MRE11: variants seen among roughly 807,000 people sequenced by gnomAD.
MRE11 encodes the protein double-strand break repair protein MRE11.
A neutral mutation model predicts 91.7 loss-of-function variants in MRE11; 62 were observed. The observed-to-expected ratio is 0.68, with a 90% CI of 0.55 to 0.84. The LOEUF (loss-of-function observed/expected upper bound fraction) is 0.84, where lower values mean the gene tolerates loss of function less well. Among genes scored for constraint, MRE11 ranks in the 40% least tolerant of loss-of-function variants. The pLI, the probability that MRE11 is intolerant of heterozygous loss-of-function variation, is 0.00. For synonymous variants in MRE11, 273 were observed against 271.4 expected (o/e 1.01, Z -0.06); for missense variants, 796 against 852.9 (o/e 0.93, Z 0.83).
chr11:94,425,750 A>G lies in MRE11; in HGVS notation c.2070+4161T>C, dbSNP rs111546332. Among the ~76,000 whole-genome samples the G allele has an allele frequency of 5.5e-3, 837 of 152,348 alleles. 14 individuals carry two copies. The highest frequency in any genetic ancestry group is 0.019 in the African/African-American group (800 of 41,580). ...CAACCAACAGTAAAAAGGGACAAAG[A>G]AAGGTATTATATAATGATAAACGGT... On this transcript the variant is annotated intron_variant, in intron 19 of 19. Transcript: ENST00000323929.
rs978834364 is a variant in MRE11, at chr11:94,445,953, C to T, written c.1784-60G>A. On this transcript the variant is annotated intron_variant, in intron 15 of 19. Coordinates refer to ENST00000323929, the MANE Select transcript of MRE11 (RefSeq NM_005591.4). Reference sequence around the variant, plus strand: ...ATCAGCAGCTAAGGTTTATTTCATACAACACTAAAAAATGAAAGCTAAATA... The same window carrying T: ...ATCAGCAGCTAAGGTTTATTTCATATAACACTAAAAAATGAAAGCTAAATA... 4 of 1,215,838 alleles carry T rather than the reference C, an allele frequency of 3.3e-6. No individual in the cohort carries two copies. The South Asian group carries it at 3.6e-5, about 11-fold the overall frequency. 75.3% of individuals were successfully genotyped at this position (1,215,838 alleles called of 1,614,324 possible).
chr11:94,435,837 A>G lies in MRE11; in HGVS notation c.1989T>C (p.Asp663=), dbSNP rs1299222293. Residue 663 remains aspartate, a synonymous_variant, in exon 18 of 20, where the codon GAT becomes GAC. Coordinates refer to ENST00000323929, the MANE Select transcript of MRE11 (RefSeq NM_005591.4). ...CAGAAAATCACTGCACCTACCTTTG[A>G]TCTGTCTTTGAAGTGGTAGGAAAAA... ...EDIFPTTSKT[D]QRWSSTSSSK... is the part of the protein sequence containing the mutation. 1.2e-6 allele frequency: 2 copies of G among 1,612,812 alleles called. No homozygotes were observed. The highest frequency in any genetic ancestry group is 4.5e-5 in the East Asian group (2 of 44,856).
intron 4 of MRE11, chr11:94,483,715 T>G (rs1055713623): frequency 6.5e-6 from 1 of 153,396 alleles, no homozygotes; most frequent in Non-Finnish European, 1.4e-5. Context: ...CAGTGGCACA[T>G]GCATATAGTC....
At chr11:94,459,614 G>A in intron 12 of MRE11, 33 bp from the exon 13 acceptor site, 1 of 1,600,484 alleles carries the variant, frequency 6.2e-7, no homozygotes, top group African/African-American at 1.3e-5. Context: ...TGCAGAAATA[G>A]TTTTTATTCC....
intron 3 of MRE11, among the ~76,000 whole-genome samples, chr11:94,490,265 C>G (rs1039902398): frequency 3.9e-5 from 6 of 152,160 alleles, no homozygotes; most frequent in African/African-American, 1.4e-4. Context: ...ATACCTTATA[C>G]TGTCTCACGG....
chr11:94,496,845 A>C (rs1591735881), upstream of MRE11: 2 of 1,613,924 alleles, frequency 1.2e-6, no homozygotes, highest in African/African-American at 2.7e-5. Context: ...AATTCTGATG[A>C]AGATGAGGAG....
chr11:94,511,399 A>G, the MRE11 span, among the ~76,000 whole-genome samples: 1 of 152,192 alleles, frequency 6.6e-6, no homozygotes, highest in South Asian at 2.1e-4. Flanking sequence ...TTTTCTTTAT[A>G]AATTACCCAG....
chr11:94,482,528 A>G (rs1947037069), intron 4 of MRE11, among the ~76,000 whole-genome samples: 1 of 152,250 alleles, frequency 6.6e-6, no homozygotes, highest in Non-Finnish European at 1.5e-5. Context: ...AATGAAATAC[A>G]AGGAACAACA....
intron 16 of MRE11, among the ~76,000 whole-genome samples, chr11:94,439,469 A>G (rs1279530559): frequency 6.6e-6 from 1 of 152,234 alleles, no homozygotes; most frequent in African/African-American, 2.4e-5. Context: ...CATCTTCATA[A>G]TCTTATTGCA....
chr11:94,446,661 G>T (rs1945940116), intron 15 of MRE11, among the ~76,000 whole-genome samples: 1 of 152,180 alleles, frequency 6.6e-6, no homozygotes, highest in Admixed American at 6.5e-5. Flanking sequence ...CTATTGGCGT[G>T]AACTATTCAA....
upstream of MRE11, chr11:94,498,810 G>T: frequency 2.7e-6 from 1 of 368,326 alleles, no homozygotes. Flanking sequence ...TACAGAAACT[G>T]GTATTTTTGG....
the MRE11 span, among the ~76,000 whole-genome samples, chr11:94,507,268 T>C: frequency 1.3e-5 from 2 of 152,340 alleles, no homozygotes; most frequent in South Asian, 4.1e-4. Context: ...CAACATTACA[T>C]CTATGAGATT....
chr11:94,482,368 T>C (rs1947033806), intron 4 of MRE11, among the ~76,000 whole-genome samples: 1 of 152,182 alleles, frequency 6.6e-6, no homozygotes, highest in Non-Finnish European at 1.5e-5. Context: ...CCCATGCTCT[T>C]AATCACTATG....
chr11:94,471,583 G>A lies in MRE11; in HGVS notation c.836C>T (p.Ala279Val). 2 of 1,612,260 alleles carry A rather than the reference G, an allele frequency of 1.2e-6. No individual in the cohort carries two copies. Among genetic ancestry groups the A allele is most frequent in the Non-Finnish European group, 1.7e-6 (2 of 1,178,796 alleles). The change falls in exon 8 of 20, where the codon GCT becomes GTT. Residue 279 changes from alanine (A) to valine (V), a missense_variant. By Grantham distance (64) the Ala-to-Val change is moderately conservative (BLOSUM62 0). Coordinates refer to ENST00000323929, the MANE Select transcript of MRE11 (RefSeq NM_005591.4). ...SVVTSLSPGEAVKKHVGLLRI... is the reference protein window; with the variant it reads ...SVVTSLSPGEVVKKHVGLLRI... ...AATATATAACACTCACTTCTTTACA[G>A]CTTCTCCTGGGGAAAGAGAAGTAAC...
At chr11:94,470,705 G>A (rs748070620) in intron 8 of MRE11, 63 bp from the exon 9 acceptor site, 14 of 1,505,254 alleles carry the variant, frequency 9.3e-6, no homozygotes, top group East Asian at 6.9e-5. Flanking sequence ...ATGTGCAAAC[G>A]AAAGCTTTCA....
intron 6 of MRE11, among the ~76,000 whole-genome samples, chr11:94,478,162 G>A (rs1946919120): frequency 6.6e-6 from 1 of 152,108 alleles, no homozygotes; most frequent in Non-Finnish European, 1.5e-5. Context: ...TGGTGACTGA[G>A]GCATAATGGA....
intron 11 of MRE11, among the ~76,000 whole-genome samples, chr11:94,461,990 G>T (rs1463620129): frequency 6.6e-6 from 1 of 152,174 alleles, no homozygotes; most frequent in Non-Finnish European, 1.5e-5. Context: ...CAGGAGAATG[G>T]CGTGAACCTG....
intron 16 of MRE11, among the ~76,000 whole-genome samples, chr11:94,441,931 T>C (rs530770285): frequency 1.3e-4 from 17 of 135,876 alleles, no homozygotes; most frequent in African/African-American, 4.3e-4. Context: ...TGAGCCAAGA[T>C]GATGCCACTG....
At chr11:94,445,163 G>A (rs1236196645) in intron 16 of MRE11, among the ~76,000 whole-genome samples, 1 of 152,166 alleles carries the variant, frequency 6.6e-6, no homozygotes, top group Non-Finnish European at 1.5e-5. Context: ...TATGGGGGAA[G>A]CAAGGAAACA....
Sources: allele counts gnomAD v4.1 joint callset (sites outside exome capture counted in the v4.1 genomes callset), GRCh38; gene constraint gnomAD v4.1.1; transcripts MANE v1.5; gene names NCBI Gene and HGNC (gene_info 2026-07-23, HGNC 2026-07-21).